Variants in PARP12 observed in about 807,000 individuals in gnomAD.
PARP12 encodes the protein protein mono-ADP-ribosyltransferase PARP12.
In PARP12, 59 loss-of-function variants were observed where a neutral mutation model predicts 72.4. The ratio of observed to expected loss-of-function variants is 0.81; its 90% CI spans 0.66 to 1.01. The LOEUF (loss-of-function observed/expected upper bound fraction) is 1.01, where lower values mean the gene tolerates loss of function less well. Among genes scored for constraint, PARP12 ranks in the 50% least tolerant of loss-of-function variants. The pLI is 0.00. For synonymous variants in PARP12, 403 were observed against 371.4 expected (o/e 1.09, Z -0.98); for missense variants, 851 against 914.0 (o/e 0.93, Z 0.89).
intron 8 of PARP12, chr7:140,033,331 G>C (rs1223182187): frequency 1.0e-6 from 1 of 985,170 alleles, no homozygotes; most frequent in Non-Finnish European, 1.2e-6. Flanking sequence ...ATTTAAAAAC[G>C]ACCTTTGCAT....
intron 2 of PARP12, 55 bp from the exon 3 acceptor site, chr7:140,057,208 C>T (rs1284145456): frequency 3.3e-6 from 5 of 1,528,830 alleles, no homozygotes; most frequent in Non-Finnish European, 8.9e-7. Flanking sequence ...CACGACACCA[C>T]CTCCCCAGTG....
chr7:140,044,199 A>C (rs1156424274), intron 5 of PARP12, among the ~76,000 whole-genome samples: 1 of 150,858 alleles, frequency 6.6e-6, no homozygotes, highest in Non-Finnish European at 1.5e-5. Context: ...AAAACAGACT[A>C]TCTATTATAC....
chr7:140,027,626 A>C, intron 9 of PARP12: 1 of 400,270 alleles, frequency 2.5e-6, no homozygotes, highest in Non-Finnish European at 4.6e-6. Context: ...TAAAACAACA[A>C]ACCTCTTGTT....
chr7:140,042,214 A>G (rs1218587368), intron 5 of PARP12, among the ~76,000 whole-genome samples: 1 of 152,220 alleles, frequency 6.6e-6, no homozygotes, highest in African/African-American at 2.4e-5. Context: ...TGCATTAAGC[A>G]CTTTATATGT....
At chr7:140,055,082 C>G (rs922732743) in intron 3 of PARP12, among the ~76,000 whole-genome samples, 3 of 152,342 alleles carry the variant, frequency 2.0e-5, no homozygotes, top group Non-Finnish European at 4.4e-5. Context: ...ACTGACTTCA[C>G]TCCAGACTGA....
At chr7:140,045,828 C>T (rs1164575865) in intron 5 of PARP12, among the ~76,000 whole-genome samples, 1 of 152,160 alleles carries the variant, frequency 6.6e-6, no homozygotes, top group Non-Finnish European at 1.5e-5. Context: ...CTTCCTCTGC[C>T]GGGAAGTGTC....
At chr7:140,028,982 A>C (rs1815839742) in intron 8 of PARP12, 1 of 218,712 alleles carries the variant, frequency 4.6e-6, no homozygotes, top group Admixed American at 5.8e-5. Flanking sequence ...AGGAGCACAC[A>C]CACAGCCATA....
At chr7:140,051,765 G>A (rs976072715) in intron 4 of PARP12, among the ~76,000 whole-genome samples, 2 of 152,216 alleles carry the variant, frequency 1.3e-5, no homozygotes, top group African/African-American at 2.4e-5. Context: ...AATGCCTACA[G>A]ATTTCCCATT....
rs1202231196 is a variant in PARP12, at chr7:140,028,609, C to T, written c.1497+4G>A. On this transcript the variant is annotated splice_donor_region_variant and intron_variant, in intron 9 of 11. Transcript: ENST00000263549. Reference sequence around the variant, plus strand: ...GTCCAGCCCCAGGCGCATGCGTCCCCTACCTGAAAGCCTGGGTCTGGCAGG... The same window carrying T: ...GTCCAGCCCCAGGCGCATGCGTCCCTTACCTGAAAGCCTGGGTCTGGCAGG... 1.3e-6 allele frequency: 2 copies of T among 1,585,818 alleles called. No individual in the cohort carries two copies. The highest frequency in any genetic ancestry group is 1.3e-5 in the African/African-American group (1 of 74,370).
intron 7 of PARP12, 119 bp downstream of exon 7, chr7:140,037,595 CT>C: frequency 7.0e-7 from 1 of 1,429,602 alleles, no homozygotes; most frequent in South Asian, 1.4e-5. Flanking sequence ...TGGTACCTTG[CT>C]TTTCTTTCCT....
At position 140,050,817 on chromosome 7, in the gene PARP12, A is replaced by T. The variant is rs554703004; in HGVS notation, c.863-3810T>A. On this transcript the variant is annotated intron_variant, in intron 4 of 11. Coordinates refer to ENST00000263549, the MANE Select transcript of PARP12 (RefSeq NM_022750.4). Reference sequence around the variant, plus strand: ...AAAAAACACAAACCATAAAAGAAAAAAAATATTATCTGGACACCACTATTA... The same window carrying T: ...AAAAAACACAAACCATAAAAGAAAATAAATATTATCTGGACACCACTATTA... Among the ~76,000 whole-genome samples, 6 of 152,316 alleles carry T rather than the reference A, an allele frequency of 3.9e-5. No individual in the cohort carries two copies. In the South Asian group the frequency reaches 6.2e-4, roughly 16 times the overall value.
intron 5 of PARP12, among the ~76,000 whole-genome samples, chr7:140,042,085 G>C (rs1816500116): frequency 6.6e-6 from 1 of 152,196 alleles, no homozygotes; most frequent in Non-Finnish European, 1.5e-5. Context: ...TGCCGAAGAT[G>C]CTGGTGAAAT....
chr7:140,051,581 G>A (rs1355913119), intron 4 of PARP12, among the ~76,000 whole-genome samples: 3 of 152,036 alleles, frequency 2.0e-5, no homozygotes, highest in Non-Finnish European at 4.4e-5. Flanking sequence ...AGTAGAGACA[G>A]GGTTTCACCA....
chr7:140,049,558 C>T (rs945358397), intron 4 of PARP12, among the ~76,000 whole-genome samples: 1 of 152,186 alleles, frequency 6.6e-6, no homozygotes, highest in African/African-American at 2.4e-5. Context: ...CACAGGTGTA[C>T]TATGGACAGC....
chr7:140,058,336 C>T (rs10253155), intron 1 of PARP12, among the ~76,000 whole-genome samples: 7,863 of 152,032 alleles, frequency 0.052, 245 homozygotes, highest in South Asian at 0.12. Flanking sequence ...ACAGTGAAAC[C>T]CCGTCTCTAC....
intron 6 of PARP12, among the ~76,000 whole-genome samples, chr7:140,039,835 C>T (rs1816380926): frequency 6.6e-6 from 1 of 152,188 alleles, no homozygotes; most frequent in South Asian, 2.1e-4. Context: ...CCCCCACTAG[C>T]ACGTGGCATA....
intron 11 of PARP12, chr7:140,025,215 A>G (rs774991719): frequency 5.8e-6 from 2 of 346,224 alleles, no homozygotes; most frequent in South Asian, 2.9e-5. Flanking sequence ...TCAGGCATAA[A>G]ATGGGGCTGT....
At chr7:140,053,801 A>T (rs556044380) in intron 4 of PARP12, among the ~76,000 whole-genome samples, 7 of 152,348 alleles carry the variant, frequency 4.6e-5, no homozygotes, top group African/African-American at 1.7e-4. Context: ...ATGGAAAAAA[A>T]ATCTCCAAGA....
intron 1 of PARP12, among the ~76,000 whole-genome samples, chr7:140,060,042 A>G (rs1276643025): frequency 6.6e-6 from 1 of 152,242 alleles, no homozygotes; most frequent in Non-Finnish European, 1.5e-5. Flanking sequence ...AACAATGATA[A>G]TGACTACTAA....
Sources: gnomAD v4.1 joint callset for allele counts (sites outside exome capture counted in the v4.1 genomes callset) on GRCh38, gnomAD v4.1.1 for gene constraint, MANE v1.5 for transcripts, NCBI Gene and HGNC (gene_info 2026-07-23, HGNC 2026-07-21) for gene names.